The following CAMTA1 variants were observed in gnomAD, a reference collection of about 807,000 sequenced individuals.
CAMTA1 encodes calmodulin binding transcription activator 1, also known as calmodulin-binding transcription activator 1.
In CAMTA1, 27 loss-of-function variants were observed where a neutral mutation model predicts 170.9. That is an observed-to-expected ratio of 0.16 (90% CI 0.12 to 0.22). The LOEUF is 0.22. Among genes scored for constraint, CAMTA1 ranks in the 10% least tolerant of loss-of-function variants. CAMTA1 has a pLI of 1.00. For missense variants in CAMTA1, 1,619 were observed against 2,217.2 expected (o/e 0.73, Z 5.42); for synonymous variants, 833 against 891.5 (o/e 0.93, Z 1.17).
At chr1:6,872,753 T>C (rs764050347) in intron 3 of CAMTA1, among the ~76,000 whole-genome samples, 4 of 152,212 alleles carry the variant, frequency 2.6e-5, no homozygotes, top group Admixed American at 6.5e-5. Flanking sequence ...ACTGGCAAGA[T>C]ACTCCTTAGA....
At chr1:6,894,992 T>C (rs1047622886) in intron 3 of CAMTA1, among the ~76,000 whole-genome samples, 3 of 151,932 alleles carry the variant, frequency 2.0e-5, no homozygotes, top group Middle Eastern at 3.2e-3. Flanking sequence ...GAGGGCGAGG[T>C]CAAGGGAGGA....
chr1:6,853,607 A>G, intron 3 of CAMTA1, among the ~76,000 whole-genome samples: 1 of 152,316 alleles, frequency 6.6e-6, no homozygotes, highest in South Asian at 2.1e-4. Flanking sequence ...TATTAAATAA[A>G]AATGAACCAA....
At chr1:7,757,847 A>G (rs1411807367) in intron 22 of CAMTA1, among the ~76,000 whole-genome samples, 1 of 152,220 alleles carries the variant, frequency 6.6e-6, no homozygotes, top group East Asian at 1.9e-4. Context: ...TTTTGGGGGA[A>G]AAAAGCAGCT....
rs116178913 is a variant in CAMTA1 at position 7,091,877 on chromosome 1, C to T, written c.302+506C>T. On this transcript the variant is annotated intron_variant, in intron 4 of 22. Transcript: ENST00000303635. ...AAATGTCCTTGAACCTGCTAACTGC[C>T]GCAAACACTTAGCTTCTCTCACCAC... is the stretch of plus-strand genomic sequence containing the variant. 6.0e-3 allele frequency among the ~76,000 whole-genome samples: 907 copies of T among 152,216 alleles called. 12 individuals carry two copies. The highest frequency in any genetic ancestry group is 0.02 in the African/African-American group (838 of 41,524).
Position 7,050,745 on chromosome 1 carries a change from A to G in CAMTA1, c.235-40559A>G, listed in dbSNP as rs914284194. Reference sequence around the variant, plus strand: ...AGGAGAGAGTATGGTGGGGAGGGGAAGGAGCCCCAGGGGGCCTTGGCCTCC... The same window carrying G: ...AGGAGAGAGTATGGTGGGGAGGGGAGGGAGCCCCAGGGGGCCTTGGCCTCC... On this transcript the variant is annotated intron_variant, in intron 3 of 22. Transcript: ENST00000303635. The surrounding 1 kb of genome is among the most constrained non-coding windows in gnomAD (Gnocchi z 4.8). 5.3e-5 allele frequency among the ~76,000 whole-genome samples: 8 copies of G among 152,080 alleles called. No homozygotes were observed. The highest frequency in any genetic ancestry group is 1.0e-4 in the Non-Finnish European group (7 of 67,996).
chr1:7,102,469 G>C (rs1642858429), intron 4 of CAMTA1, among the ~76,000 whole-genome samples: 1 of 152,174 alleles, frequency 6.6e-6, no homozygotes, highest in Non-Finnish European at 1.5e-5. Flanking sequence ...CGATGGAATT[G>C]AATTTGCATG....
At chr1:6,905,771 T>C (rs1678325887) in intron 3 of CAMTA1, among the ~76,000 whole-genome samples, 1 of 152,216 alleles carries the variant, frequency 6.6e-6, no homozygotes, top group Non-Finnish European at 1.5e-5. Flanking sequence ...CTTAGAGCTC[T>C]TTGGGTTAGT....
At chr1:6,974,367 T>G (rs966192319) in intron 3 of CAMTA1, among the ~76,000 whole-genome samples, 2 of 152,238 alleles carry the variant, frequency 1.3e-5, no homozygotes, top group Non-Finnish European at 2.9e-5. Flanking sequence ...TTCTGCTTTA[T>G]GCAGACCAAC....
At chr1:7,265,498 A>ATGC (rs1668786607) in intron 5 of CAMTA1, among the ~76,000 whole-genome samples, 3 of 151,764 alleles carry the variant, frequency 2.0e-5, no homozygotes, top group African/African-American at 7.3e-5. Flanking sequence ...ATTTTTAGTA[A>ATGC]AGACAGGGTT....
intron 3 of CAMTA1, among the ~76,000 whole-genome samples, chr1:7,056,435 G>C (rs964548408): frequency 1.2e-4 from 18 of 152,208 alleles, no homozygotes; most frequent in African/African-American, 4.3e-4. Flanking sequence ...GGGATCACCT[G>C]AGAGGCGTTT....
intron 3 of CAMTA1, among the ~76,000 whole-genome samples, chr1:7,037,526 T>G (rs1322145340): frequency 6.6e-6 from 1 of 152,146 alleles, no homozygotes. Flanking sequence ...ATGGACAGTG[T>G]TTTCGTTAAG....
intron 6 of CAMTA1, among the ~76,000 whole-genome samples, chr1:7,507,103 C>T (rs1427489558): frequency 2.6e-5 from 4 of 152,118 alleles, no homozygotes; most frequent in South Asian, 2.1e-4. Context: ...CCCACACTTA[C>T]ATGCTCACCC....
At chr1:6,930,593 A>T (rs1203584642) in intron 3 of CAMTA1, among the ~76,000 whole-genome samples, 1 of 152,126 alleles carries the variant, frequency 6.6e-6, no homozygotes, top group Non-Finnish European at 1.5e-5. Flanking sequence ...GCTGTTCCCC[A>T]GCTCTCTGTA....
In CAMTA1 at chr1:6,871,588, A is replaced by G. The variant is rs560706595; in HGVS notation, c.234+46378A>G. Reference sequence around the variant, plus strand: ...TAATGATTGAATGGTTAAATTAAAAAAAAATTGTTGGTAACAGGTAATGAA... The same window carrying G: ...TAATGATTGAATGGTTAAATTAAAAGAAAATTGTTGGTAACAGGTAATGAA... On this transcript the variant is annotated intron_variant, in intron 3 of 22. Transcript: ENST00000303635. Among the ~76,000 whole-genome samples the G allele has an allele frequency of 5.9e-5, 9 of 152,296 alleles. No homozygotes were observed. In the South Asian group the frequency reaches 1.9e-3, roughly 32 times the overall value.
At chr1:7,239,028 A>C (rs1664392161) in intron 4 of CAMTA1, among the ~76,000 whole-genome samples, 1 of 152,226 alleles carries the variant, frequency 6.6e-6, no homozygotes, top group South Asian at 2.1e-4. Context: ...CTATTTGGTA[A>C]GCACTCAATA....
At chr1:7,651,921 G>A (rs1056154754) in intron 7 of CAMTA1, among the ~76,000 whole-genome samples, 5 of 152,188 alleles carry the variant, frequency 3.3e-5, no homozygotes, top group Non-Finnish European at 7.3e-5. Flanking sequence ...ACAGGGCATC[G>A]CACTTGGAGG....
At chr1:7,304,958 G>A (rs1025981604) in intron 5 of CAMTA1, among the ~76,000 whole-genome samples, 1 of 151,822 alleles carries the variant, frequency 6.6e-6, no homozygotes, top group African/African-American at 2.4e-5. Context: ...AATGTTTTTG[G>A]TATTTTAATA....
intron 22 of CAMTA1, among the ~76,000 whole-genome samples, chr1:7,757,253 G>T (rs2096937818): frequency 2.0e-5 from 3 of 152,178 alleles, no homozygotes. Context: ...TTTGTGGGCT[G>T]TATGGTCTGT....
intron 5 of CAMTA1, among the ~76,000 whole-genome samples, chr1:7,363,575 C>T (rs1480112499): frequency 6.6e-6 from 1 of 152,138 alleles, no homozygotes; most frequent in Non-Finnish European, 1.5e-5. Context: ...CAGTGAGTGA[C>T]ATTTCACAGG....
Sources: allele counts gnomAD v4.1 joint callset (sites outside exome capture counted in the v4.1 genomes callset), GRCh38; gene constraint gnomAD v4.1.1; non-coding constraint Gnocchi (gnomAD v3.1); transcripts MANE v1.5; gene names NCBI Gene and HGNC (gene_info 2026-07-23, HGNC 2026-07-21).